FYTTD1: variants seen among roughly 807,000 people sequenced by gnomAD.
The protein encoded by FYTTD1 is forty-two-three domain containing 1.
Under a neutral mutation model 40.9 loss-of-function variants are expected in FYTTD1, and 22 were observed. The observed-to-expected ratio is 0.54, with a 90% CI of 0.38 to 0.77. The LOEUF is 0.77. Ranked by LOEUF, FYTTD1 falls within the 30% of genes least tolerant of loss-of-function variation. The probability of loss-of-function intolerance (pLI) is 0.00; values close to 1 mark genes in which losing one functional copy is unlikely to be tolerated. For missense variants in FYTTD1, 351 were observed against 392.2 expected, an observed-to-expected ratio of 0.90 and a Z score of 0.89; for synonymous variants, 140 against 137.9, an observed-to-expected ratio of 1.01 and a Z score of -0.10.
intron 3 of FYTTD1, among the ~76,000 whole-genome samples, chr3:197,769,013 C>A (rs1362802235): frequency 6.7e-6 from 1 of 150,038 alleles, no homozygotes; most frequent in Non-Finnish European, 1.5e-5. Context: ...GATCTGCCCA[C>A]CTTGGCCTCC....
At chr3:197,755,626 T>TTATC (rs1385169751) in intron 1 of FYTTD1, 8 of 214,638 alleles carry the variant, frequency 3.7e-5, no homozygotes, top group Non-Finnish European at 5.2e-5. Flanking sequence ...ATTTATTTAT[T>TTATC]TATTTATTTA....
chr3:197,769,196 T>G (rs1367036120), intron 3 of FYTTD1, among the ~76,000 whole-genome samples: 1 of 152,176 alleles, frequency 6.6e-6, no homozygotes, highest in South Asian at 2.1e-4. Context: ...CAAGCAATTC[T>G]TCTGCCTCAG....
Position 197,773,428 on chromosome 3 carries a change from A to G in FYTTD1, c.523A>G (p.Arg175Gly), listed in dbSNP as rs1245320224. The change falls in exon 5 of 9, where the codon AGG (arginine) becomes GGG (glycine). Residue 175 changes from arginine to glycine, a missense_variant. Transcript: ENST00000241502. ...AAATAACATTCCAGCTAATTTTACC[A>G]GGAGTGGAAATAAATTAAATCATCA... Reference protein sequence around the residue: ...RKNNIPANFTRSGNKLNHQKD... With the variant: ...RKNNIPANFTGSGNKLNHQKD... The G allele has an allele frequency of 1.9e-6, 3 of 1,601,200 alleles. No individual in the cohort carries two copies. The East Asian group carries it at 6.7e-5, about 36-fold the overall frequency.
At chr3:197,772,288 T>A (rs1374854514) in intron 4 of FYTTD1, among the ~76,000 whole-genome samples, 1 of 152,136 alleles carries the variant, frequency 6.6e-6, no homozygotes, top group Non-Finnish European at 1.5e-5. Context: ...AGATTGGAGG[T>A]AAGACTAGGG....
In FYTTD1 at chr3:197,781,964, A is replaced by C; in HGVS notation, c.*55A>C. On this transcript the variant is annotated 3_prime_UTR_variant, in exon 9 of 9. Coordinates refer to ENST00000241502, the MANE Select transcript of FYTTD1 (RefSeq NM_032288.7). ...GACTCTGAGAAGTTGAATTGCTTGA[A>C]GAGTTCATCACGGAAATTCAAGAAA... The C allele has an allele frequency of 9.7e-7, 1 of 1,030,750 alleles. No homozygotes were observed. Among genetic ancestry groups the C allele is most frequent in the Non-Finnish European group, 1.4e-6 (1 of 703,138 alleles). The allele number at this position is 1,030,750 out of a possible 1,614,324, so 63.9% of individuals were successfully genotyped here.
chr3:197,784,564 G>C lies in FYTTD1; in HGVS notation c.*2655G>C, dbSNP rs972863510. On this transcript the variant is annotated 3_prime_UTR_variant, in exon 9 of 9. Coordinates refer to ENST00000241502, the MANE Select transcript of FYTTD1 (RefSeq NM_032288.7). ...TAATCCCAGAACTTGGGGAGGCCAA[G>C]GCGGGCGGATCATGAGGCCAGGAGC... is the stretch of plus-strand genomic sequence containing the variant. 1 of 152,200 alleles carries C rather than the reference G, an allele frequency of 6.6e-6. No individual in the cohort carries two copies. The highest frequency in any genetic ancestry group is 6.5e-5 in the Admixed American group (1 of 15,280). 9.4% of individuals were successfully genotyped at this position (152,200 alleles called of 1,614,324 possible).
At chr3:197,757,858 G>GAC (rs1365939721) in intron 2 of FYTTD1, among the ~76,000 whole-genome samples, 2 of 152,326 alleles carry the variant, frequency 1.3e-5, no homozygotes, top group East Asian at 1.9e-4. Flanking sequence ...TAAATTTCAT[G>GAC]ACAGGTATTT....
intron 1 of FYTTD1, among the ~76,000 whole-genome samples, chr3:197,756,074 G>C (rs1180653732): frequency 6.6e-6 from 1 of 152,106 alleles, no homozygotes; most frequent in East Asian, 1.9e-4. Flanking sequence ...GGAAATTGGA[G>C]GCTTCTGTGA....
At chr3:197,754,543 A>G (rs1223109766) in intron 1 of FYTTD1, among the ~76,000 whole-genome samples, 2 of 152,146 alleles carry the variant, frequency 1.3e-5, no homozygotes, top group African/African-American at 4.8e-5. Flanking sequence ...AATTAGTTTC[A>G]TAGAGTTTTA....
chr3:197,768,483 G>A lies in FYTTD1; in HGVS notation c.280G>A (p.Gly94Arg), dbSNP rs1312520336. 6.2e-7 allele frequency: 1 copy of A among 1,612,482 alleles called. No individual in the cohort carries two copies. The highest frequency in any genetic ancestry group is 1.1e-5 in the South Asian group (1 of 90,948). The change falls in exon 3 of 9, where the codon GGA becomes AGA. Residue 94 changes from glycine (G) to arginine (R), a missense_variant. Physicochemically the swap from Gly to Arg is moderately radical, Grantham distance 125. Transcript: ENST00000241502. ...SLNRRGRVMP[G>R]KRRPNGVITG... The stretch of plus-strand genomic sequence containing the variant: ...GAATCGTAGAGGAAGAGTAATGCCT[G>A]GAAAGAGACGTCCTAATGGAGTTAT...
intron 5 of FYTTD1, 137 bp from the exon 6 acceptor site, chr3:197,774,012 A>C: frequency 1.4e-6 from 1 of 728,630 alleles, no homozygotes; most frequent in East Asian, 2.5e-5. Context: ...TGGGTTAGGA[A>C]GTTGTAGAAT....
At chr3:197,749,694 C>G, upstream of FYTTD1, 1 of 645,266 alleles carries the variant, frequency 1.5e-6, no homozygotes, top group Non-Finnish European at 2.7e-6. Flanking sequence ...GAAAGTCGAA[C>G]TGCTCACAAC....
intron 7 of FYTTD1, among the ~76,000 whole-genome samples, chr3:197,777,617 C>T (rs895419847): frequency 8.5e-5 from 13 of 152,108 alleles, no homozygotes; most frequent in East Asian, 3.8e-4. Context: ...GTAATGTTTT[C>T]GATGTCTTTA....
chr3:197,763,047 G>C (rs1471763145), intron 2 of FYTTD1, among the ~76,000 whole-genome samples: 2 of 152,132 alleles, frequency 1.3e-5, no homozygotes, highest in Non-Finnish European at 2.9e-5. Flanking sequence ...CATTTAAAAA[G>C]AGATGTTTAC....
At position 197,780,495 on chromosome 3, in the gene FYTTD1, C is replaced by T. The variant is rs74839061; in HGVS notation, c.859-1316C>T. The stretch of plus-strand genomic sequence containing the variant: ...TTGTATGCATGCCTTGTTCCAAAGC[C>T]TGAAGAGAAAGCACTAAATATGTCA... On this transcript the variant is annotated intron_variant, in intron 8 of 8. Transcript: ENST00000241502. Among the ~76,000 whole-genome samples the T allele has an allele frequency of 7.4e-3, 1,126 of 152,120 alleles. 8 individuals carry two copies. The highest frequency in any genetic ancestry group is 0.011 in the Non-Finnish European group (772 of 68,012).
chr3:197,751,683 C>A (rs1729060517), intron 1 of FYTTD1, among the ~76,000 whole-genome samples: 1 of 146,538 alleles, frequency 6.8e-6, no homozygotes, highest in South Asian at 2.2e-4. Flanking sequence ...TGAGGTAAGG[C>A]CAACAAATAA....
chr3:197,761,454 T>A (rs1729386439), intron 2 of FYTTD1, among the ~76,000 whole-genome samples: 1 of 152,040 alleles, frequency 6.6e-6, no homozygotes, highest in Non-Finnish European at 1.5e-5. Flanking sequence ...TATAGAGTGT[T>A]CTTCAGTGGT....
At chr3:197,764,492 G>C (rs1300438284) in intron 2 of FYTTD1, among the ~76,000 whole-genome samples, 1 of 152,054 alleles carries the variant, frequency 6.6e-6, no homozygotes, top group Non-Finnish European at 1.5e-5. Flanking sequence ...GGCAGATTAC[G>C]AGGTCAGGAG....
rs534542074 is a variant in FYTTD1, at chr3:197,758,122, C to T, written c.235+1565C>T. 4.0e-5 allele frequency among the ~76,000 whole-genome samples: 6 copies of T among 151,750 alleles called. No individual in the cohort carries two copies. The South Asian group carries it at 1.2e-3, about 32-fold the overall frequency. On this transcript the variant is annotated intron_variant, in intron 2 of 8. Coordinates refer to ENST00000241502, the MANE Select transcript of FYTTD1 (RefSeq NM_032288.7). Reference sequence around the variant, plus strand: ...TTCTCCACGTTGGTCAGGCTGGTCTCGAACTCCCAGCCTCAGGTGATCCAC... The same window carrying T: ...TTCTCCACGTTGGTCAGGCTGGTCTTGAACTCCCAGCCTCAGGTGATCCAC...
Sources: allele counts gnomAD v4.1 joint callset (sites outside exome capture counted in the v4.1 genomes callset), GRCh38; gene constraint gnomAD v4.1.1; transcripts MANE v1.5; gene names NCBI Gene and HGNC (gene_info 2026-07-23, HGNC 2026-07-21).